CEP128: variants seen among roughly 807,000 people sequenced by gnomAD.
CEP128 encodes centrosomal protein 128kDa.
A neutral mutation model predicts 156.7 loss-of-function variants in CEP128; 132 were observed. The ratio of observed to expected loss-of-function variants is 0.84; its 90% CI spans 0.73 to 0.97. The LOEUF (loss-of-function observed/expected upper bound fraction) is 0.97. CEP128 is among the 50% of genes least tolerant of loss of function. The pLI, the probability that CEP128 is intolerant of heterozygous loss-of-function variation, is 0.00. For missense variants in CEP128, 1,252 were observed against 1,281.9 expected (o/e 0.98, Z 0.36); for synonymous variants, 469 against 448.9 (o/e 1.04, Z -0.57).
intron 19 of CEP128, among the ~76,000 whole-genome samples, chr14:80,649,344 G>A (rs1415797292): frequency 6.6e-6 from 1 of 151,900 alleles, no homozygotes; most frequent in Non-Finnish European, 1.5e-5. Flanking sequence ...GTTAAAGAAT[G>A]CCATATCTAG....
At chr14:80,529,841 T>G (rs1889146277) in intron 22 of CEP128, among the ~76,000 whole-genome samples, 1 of 152,210 alleles carries the variant, frequency 6.6e-6, no homozygotes, top group Non-Finnish European at 1.5e-5. Flanking sequence ...ATTCGTCAGC[T>G]AAACTGGATC....
intron 16 of CEP128, among the ~76,000 whole-genome samples, chr14:80,772,086 G>A (rs143565962): frequency 7.7e-4 from 117 of 152,238 alleles, no homozygotes; most frequent in African/African-American, 2.6e-3. Flanking sequence ...CAGTACACAC[G>A]GAAATATGGG....
chr14:80,903,094 T>G (rs1883674238), intron 6 of CEP128, among the ~76,000 whole-genome samples: 1 of 151,958 alleles, frequency 6.6e-6, no homozygotes, highest in African/African-American at 2.4e-5. Flanking sequence ...GGCAGCATAC[T>G]CCCTAATTTC....
rs185923680 is a variant in CEP128, at chr14:80,734,220, G to A, written c.2806+8855C>T. On this transcript the variant is annotated intron_variant, in intron 19 of 24. Coordinates refer to ENST00000555265, the MANE Select transcript of CEP128 (RefSeq NM_152446.5). The stretch of plus-strand genomic sequence containing the variant: ...CAACTACTCTAGTAGACACAGTGTC[G>A]ATGGCCAACATGAAAATGTTCTAAA... Among the ~76,000 whole-genome samples, 431 of 152,168 alleles carry A rather than the reference G, an allele frequency of 2.8e-3. 4 individuals carry two copies. Among genetic ancestry groups the A allele is most frequent in the African/African-American group, 0.01 (420 of 41,512 alleles).
At chr14:80,728,001 G>A (rs953441345) in intron 19 of CEP128, among the ~76,000 whole-genome samples, 2 of 152,004 alleles carry the variant, frequency 1.3e-5, no homozygotes, top group South Asian at 2.1e-4. Context: ...CCCATTACTG[G>A]GTACATACCC....
downstream of CEP128, among the ~76,000 whole-genome samples, chr14:80,495,269 T>C (rs144729403): frequency 1.7e-3 from 259 of 152,266 alleles, no homozygotes; most frequent in African/African-American, 5.9e-3. Flanking sequence ...AATGCACAAA[T>C]CAAGCTATTA....
At chr14:80,628,935 C>T (rs1595116227) in intron 19 of CEP128, among the ~76,000 whole-genome samples, 1 of 151,846 alleles carries the variant, frequency 6.6e-6, no homozygotes, top group Non-Finnish European at 1.5e-5. Context: ...GTGGGGTAAG[C>T]GTTTTAGATG....
At chr14:80,784,372 TAAC>T (rs1475894460) in intron 15 of CEP128, among the ~76,000 whole-genome samples, 4 of 151,940 alleles carry the variant, frequency 2.6e-5, no homozygotes, top group African/African-American at 7.2e-5. Flanking sequence ...GTGATAATGC[TAAC>T]AACATTAGAC....
chr14:80,643,768 G>A (rs1418441299), intron 19 of CEP128, among the ~76,000 whole-genome samples: 1 of 151,994 alleles, frequency 6.6e-6, no homozygotes, highest in Admixed American at 6.5e-5. Context: ...AAAGGCATTG[G>A]TATCCAACAG....
chr14:80,916,610 G>A (rs1197265809), intron 2 of CEP128, 48 bp from the exon 3 acceptor site: 3 of 1,434,462 alleles, frequency 2.1e-6, no homozygotes, highest in Non-Finnish European at 1.9e-6. Context: ...AAAAAGCATG[G>A]AAATAAAAGA....
intron 14 of CEP128, among the ~76,000 whole-genome samples, chr14:80,481,950 T>C (rs77315160): frequency 0.044 from 6,764 of 152,354 alleles, 221 homozygotes; most frequent in Non-Finnish European, 0.066. Context: ...GTAGACTTAA[T>C]ACCTAGGAAC....
At chr14:80,637,850 T>A (rs1342627484) in intron 19 of CEP128, among the ~76,000 whole-genome samples, 2 of 152,042 alleles carry the variant, frequency 1.3e-5, no homozygotes, top group Non-Finnish European at 2.9e-5. Context: ...AAGAACACAG[T>A]GTAACAAGAG....
At chr14:80,855,245 AC>A in intron 9 of CEP128, among the ~76,000 whole-genome samples, 1 of 152,126 alleles carries the variant, frequency 6.6e-6, no homozygotes, top group Non-Finnish European at 1.5e-5. Flanking sequence ...CTCTCTGCTT[AC>A]CGAACCCCAT....
intron 21 of CEP128, among the ~76,000 whole-genome samples, chr14:80,537,363 A>C (rs1159081773): frequency 1.3e-5 from 2 of 152,202 alleles, no homozygotes; most frequent in African/African-American, 4.8e-5. Flanking sequence ...CGAAAACACC[A>C]AGAATGATTT....
rs879630082 is a variant in CEP128 at position 80,579,330 on chromosome 14, C to CT, written c.2856+1043dup. 4.0e-3 allele frequency among the ~76,000 whole-genome samples: 584 copies of CT among 144,206 alleles called. 2 individuals carry two copies. Among genetic ancestry groups the CT allele is most frequent in the African/African-American group, 0.01 (410 of 39,728 alleles). 94.6% of individuals were successfully genotyped at this position (144,206 alleles called of 152,430 possible). On this transcript the variant is annotated intron_variant, in intron 20 of 24. Coordinates refer to ENST00000555265, the MANE Select transcript of CEP128 (RefSeq NM_152446.5). ...GCCCCAGACTGGACTAACCAATGCT[C>CT]TTTTTTTTTTTTTATACCTGAATAT...
chr14:80,581,842 C>G (rs1891606405), intron 19 of CEP128, among the ~76,000 whole-genome samples: 1 of 152,198 alleles, frequency 6.6e-6, no homozygotes, highest in Non-Finnish European at 1.5e-5. Context: ...TGCATCCTCA[C>G]TCATTTGCAT....
chr14:80,534,610 G>A (rs954304628), intron 21 of CEP128, among the ~76,000 whole-genome samples: 14 of 152,152 alleles, frequency 9.2e-5, no homozygotes, highest in African/African-American at 3.1e-4. Flanking sequence ...TGGATCATGA[G>A]GTCAGGAGAT....
intron 21 of CEP128, among the ~76,000 whole-genome samples, chr14:80,550,447 C>T (rs1013130149): frequency 2.0e-5 from 3 of 152,014 alleles, no homozygotes; most frequent in African/African-American, 7.2e-5. Flanking sequence ...TCAAATAAAA[C>T]TCATTCATAT....
chr14:80,480,793 A>G (rs2140145960), intron 14 of CEP128, among the ~76,000 whole-genome samples: 1 of 152,266 alleles, frequency 6.6e-6, no homozygotes, highest in East Asian at 1.9e-4. Flanking sequence ...TCTCAAGTTC[A>G]AAGTTCCACA....
Sources: allele counts gnomAD v4.1 joint callset (sites outside exome capture counted in the v4.1 genomes callset), GRCh38; gene constraint gnomAD v4.1.1; transcripts MANE v1.5; gene names NCBI Gene and HGNC (gene_info 2026-07-23, HGNC 2026-07-21).